Variants in PCDHGC4 observed in about 807,000 individuals in gnomAD.
The protein encoded by PCDHGC4 is protocadherin gamma subfamily C, 4.
In PCDHGC4, 15 loss-of-function variants were observed where a neutral mutation model predicts 59.7. The ratio of observed to expected loss-of-function variants is 0.25; its 90% CI spans 0.17 to 0.39. PCDHGC4 has a LOEUF of 0.39. Ranked by LOEUF, PCDHGC4 falls within the 10% of genes least tolerant of loss-of-function variation. The probability of loss-of-function intolerance (pLI) is 1.00; values close to 1 mark genes in which losing one functional copy is unlikely to be tolerated. For synonymous variants in PCDHGC4, 434 were observed against 481.4 expected (o/e 0.90, Z 1.29); for missense variants, 1,016 against 1,189.5 (o/e 0.85, Z 2.15).
intron 1 of PCDHGC4, among the ~76,000 whole-genome samples, chr5:141,488,534 A>C (rs1169478867): frequency 1.3e-5 from 2 of 152,292 alleles, no homozygotes; most frequent in East Asian, 3.9e-4. Flanking sequence ...AGAAAAGCTA[A>C]GTCCCATGTC....
rs996353495 is a variant in PCDHGC4, at chr5:141,485,101, T to G, written c.-73T>G. 12 of 1,158,090 alleles carry G rather than the reference T, an allele frequency of 1.0e-5. No individual in the cohort carries two copies. Among genetic ancestry groups the G allele is most frequent in the Non-Finnish European group, 1.4e-5 (11 of 786,830 alleles). The allele number at this position is 1,158,090 out of a possible 1,614,324, so 71.7% of individuals were successfully genotyped here. ...GGAAAGGGAGATAGGTGTCTCCAGC[T>G]GCTGTGGCTGTTTGGGGCGGGTCGG... On this transcript the variant is annotated 5_prime_UTR_variant, in exon 1 of 4. Transcript: ENST00000306593. This position sits in a 1 kb window ranked among gnomAD's most constrained non-coding sequence, Gnocchi z 5.7.
At chr5:141,510,862 C>T (rs764422869) in intron 3 of PCDHGC4, 85 bp from the exon 4 acceptor site, 22 of 1,606,772 alleles carry the variant, frequency 1.4e-5, no homozygotes, top group Non-Finnish European at 1.7e-5. Flanking sequence ...GCTGTATAGG[C>T]ATTCATTAAC....
intron 2 of PCDHGC4, among the ~76,000 whole-genome samples, chr5:141,500,894 C>CAG (rs10656935): frequency 0.58 from 88,074 of 150,994 alleles, 27,125 homozygotes; most frequent in African/African-American, 0.78. Flanking sequence ...TTTTTTGAGA[C>CAG]AGTCTCGCTC....
intron 2 of PCDHGC4, among the ~76,000 whole-genome samples, chr5:141,496,631 G>A (rs1434126210): frequency 6.6e-6 from 1 of 152,164 alleles, no homozygotes; most frequent in Admixed American, 6.5e-5. Context: ...CAAAAGGCTT[G>A]GGCTGCCCTT....
At position 141,493,904 on chromosome 5, in the gene PCDHGC4, G is replaced by A. The variant is rs1204744465; in HGVS notation, c.2443-903G>A. Among the ~76,000 whole-genome samples, 1 of 152,216 alleles carries A rather than the reference G, an allele frequency of 6.6e-6. No individual in the cohort carries two copies. Among genetic ancestry groups the A allele is most frequent in the Non-Finnish European group, 1.5e-5 (1 of 68,028 alleles). On this transcript the variant is annotated intron_variant, in intron 1 of 3. Transcript: ENST00000306593. The surrounding 1 kb of genome is among the most constrained non-coding windows in gnomAD (Gnocchi z 4.3). ...GGCTCTAGGAGTGCTCCATGAGAGT[G>A]TGTGATGGGATAACACACCCCCTGG...
chr5:141,510,272 TAAAA>T (rs546154379), intron 3 of PCDHGC4, among the ~76,000 whole-genome samples: 1 of 130,390 alleles, frequency 7.7e-6, no homozygotes, highest in East Asian at 2.2e-4. Context: ...GACTCCATCT[TAAAA>T]AAAAAAAAAA....
intron 2 of PCDHGC4, 62 bp downstream of exon 2, chr5:141,494,927 G>C: frequency 6.2e-7 from 1 of 1,613,516 alleles, no homozygotes; most frequent in Non-Finnish European, 8.5e-7. Context: ...GATGACGTGG[G>C]AGGAGATGGG....
At position 141,491,049 on chromosome 5, in the gene PCDHGC4, G is replaced by C; in HGVS notation, c.2442+3434G>C. The C allele has an allele frequency of 1.2e-6, 2 of 1,614,116 alleles. No homozygotes were observed. Among genetic ancestry groups the C allele is most frequent in the Admixed American group, 3.3e-5 (2 of 60,024 alleles). On this transcript the variant is annotated intron_variant, in intron 1 of 3. Transcript: ENST00000306593. This position sits in a 1 kb window ranked among gnomAD's most constrained non-coding sequence, Gnocchi z 6.9. ...TGGATGCTGATGCAGGCCACAATGC[G>C]TGGCTCTCCTACTCACTGTTGCCAC...
chr5:141,486,940 A>T lies in PCDHGC4; in HGVS notation c.1767A>T (p.Leu589=). ...CTCCATCAGTTGGTGCTGGCCACCTAATCACAAAGGTGACTGCTGTGGACT... is the reference window on the plus strand; with the variant it reads ...CTCCATCAGTTGGTGCTGGCCACCTTATCACAAAGGTGACTGCTGTGGACT... ...ALPPSVGAGH[L]ITKVTAVDLD... Residue 589 remains leucine, a synonymous_variant, in exon 1 of 4, where the codon CTA becomes CTT. Coordinates refer to ENST00000306593, the MANE Select transcript of PCDHGC4 (RefSeq NM_018928.3). This position sits in a 1 kb window ranked among gnomAD's most constrained non-coding sequence, Gnocchi z 5.0. 6.2e-7 allele frequency: 1 copy of T among 1,614,188 alleles called. No homozygotes were observed. Among genetic ancestry groups the T allele is most frequent in the Non-Finnish European group, 8.5e-7 (1 of 1,180,032 alleles).
chr5:141,497,509 C>T (rs1282025317), intron 2 of PCDHGC4, among the ~76,000 whole-genome samples: 1 of 151,184 alleles, frequency 6.6e-6, no homozygotes, highest in Non-Finnish European at 1.5e-5. Flanking sequence ...CTCTCTGCTT[C>T]CTTAGTTAAC....
intron 2 of PCDHGC4, among the ~76,000 whole-genome samples, chr5:141,502,428 A>C (rs2099814217): frequency 6.6e-6 from 1 of 151,978 alleles, no homozygotes; most frequent in South Asian, 2.1e-4. Flanking sequence ...CTATTCTCTG[A>C]TGGTTAGATT....
rs776718024 is a variant in PCDHGC4 at position 141,486,333 on chromosome 5, T to C, written c.1160T>C (p.Leu387Pro). 8.1e-6 allele frequency: 13 copies of C among 1,614,080 alleles called. No individual in the cohort carries two copies. Among genetic ancestry groups the C allele is most frequent in the Non-Finnish European group, 1.1e-5 (13 of 1,179,998 alleles). The change falls in exon 1 of 4, where the codon CTC (leucine) becomes CCC (proline). Residue 387 changes from leucine (L) to proline (P), a missense_variant. Physicochemically the swap from Leu to Pro is moderately conservative, Grantham distance 98. Coordinates refer to ENST00000306593, the MANE Select transcript of PCDHGC4 (RefSeq NM_018928.3). The surrounding 1 kb of genome is among the most constrained non-coding windows in gnomAD (Gnocchi z 5.0). ...TCAGGGTCAAACGGAGATGTGAGCC[T>C]CCGCATTCCTGACCACTTGCCATTT... ...PDSGSNGDVS[L>P]RIPDHLPFAL... is the part of the protein sequence containing the mutation.
Position 141,490,705 on chromosome 5 carries a change from C to T in PCDHGC4, c.2442+3090C>T. 1 of 1,614,194 alleles carries T rather than the reference C, an allele frequency of 6.2e-7. No individual in the cohort carries two copies. Among genetic ancestry groups the T allele is most frequent in the South Asian group, 1.1e-5 (1 of 91,082 alleles). On this transcript the variant is annotated intron_variant, in intron 1 of 3. Coordinates refer to ENST00000306593, the MANE Select transcript of PCDHGC4 (RefSeq NM_018928.3). This position sits in a 1 kb window ranked among gnomAD's most constrained non-coding sequence, Gnocchi z 5.4. ...TCCAGACACTGGGGATAATGCCCGC[C>T]TCACCTACTCCATTGTAGGAAATCA...
At chr5:141,497,665 G>A (rs1011161465) in intron 2 of PCDHGC4, among the ~76,000 whole-genome samples, 3 of 151,348 alleles carry the variant, frequency 2.0e-5, no homozygotes, top group South Asian at 2.1e-4. Flanking sequence ...TCAGCCTCCC[G>A]AGTAGCTGGG....
chr5:141,501,335 C>CA (rs2099808433), intron 2 of PCDHGC4, among the ~76,000 whole-genome samples: 1 of 135,634 alleles, frequency 7.4e-6, no homozygotes, highest in Non-Finnish European at 1.6e-5. Context: ...ACACACACAC[C>CA]CCAAACTCAA....
intron 3 of PCDHGC4, among the ~76,000 whole-genome samples, chr5:141,510,584 C>T (rs2099881791): frequency 1.3e-5 from 2 of 152,184 alleles, no homozygotes. Flanking sequence ...TTTTACGTAC[C>T]TGACATACAT....
chr5:141,494,115 GC>G (rs1445167222), intron 1 of PCDHGC4, among the ~76,000 whole-genome samples: 1 of 152,186 alleles, frequency 6.6e-6, no homozygotes, highest in African/African-American at 2.4e-5. Context: ...AGACAGAGCA[GC>G]CTTGTTCTCT....
rs1562157859 is a variant in PCDHGC4 at position 141,493,022 on chromosome 5, G to GTGCC, written c.2443-1784_2443-1781dup. Among the ~76,000 whole-genome samples, 2 of 152,222 alleles carry GTGCC rather than the reference G, an allele frequency of 1.3e-5. No homozygotes were observed. Among genetic ancestry groups the GTGCC allele is most frequent in the African/African-American group, 4.8e-5 (2 of 41,454 alleles). ...GCTATAGGCTCTGCCAGATGCCAGG[G>GTGCC]TGCCCTTATGTGTGAGGAAACTACA... On this transcript the variant is annotated intron_variant, in intron 1 of 3. Coordinates refer to ENST00000306593, the MANE Select transcript of PCDHGC4 (RefSeq NM_018928.3). The surrounding 1 kb of genome is among the most constrained non-coding windows in gnomAD (Gnocchi z 4.3).
chr5:141,497,237 T>C (rs933112169), intron 2 of PCDHGC4, among the ~76,000 whole-genome samples: 3 of 152,038 alleles, frequency 2.0e-5, no homozygotes, highest in Non-Finnish European at 4.4e-5. Context: ...AGAAGGCTTC[T>C]AGGAGGAGGT....
Sources: gnomAD v4.1 joint callset for allele counts (sites outside exome capture counted in the v4.1 genomes callset) on GRCh38, gnomAD v4.1.1 for gene constraint, Gnocchi (gnomAD v3.1) non-coding constraint, MANE v1.5 for transcripts, NCBI Gene and HGNC (gene_info 2026-07-23, HGNC 2026-07-21) for gene names.